Variants in SEMA4G observed in about 807,000 individuals in gnomAD.
SEMA4G encodes semaphorin 4G, also known as semaphorin-4G.
In SEMA4G, 59 loss-of-function variants were observed where a neutral mutation model predicts 81.2. The observed-to-expected ratio is 0.73, with a 90% CI of 0.59 to 0.90. The LOEUF (loss-of-function observed/expected upper bound fraction) is 0.90. Ranked by LOEUF, SEMA4G falls within the 40% of genes least tolerant of loss-of-function variation. The pLI is 0.00. For missense variants in SEMA4G, 952 were observed against 1,102.3 expected, an observed-to-expected ratio of 0.86 and a Z score of 1.93; for synonymous variants, 404 against 433.9, an observed-to-expected ratio of 0.93 and a Z score of 0.86.
In SEMA4G at chr10:100,973,623, C is replaced by A. The variant is rs747555941; in HGVS notation, c.336+14C>A. On this transcript the variant is annotated intron_variant, in intron 3 of 13. Coordinates refer to ENST00000370250, the Ensembl canonical transcript of SEMA4G. The surrounding 1 kb of genome is among the most constrained non-coding windows in gnomAD (Gnocchi z 5.5). ...AAAAACAACCAGGTATGTGGTCTGC[C>A]CTGTCCCCAGCTCCTTTCCTCCCCT... is the stretch of plus-strand genomic sequence containing the variant. 6.2e-7 allele frequency: 1 copy of A among 1,613,230 alleles called. No homozygotes were observed. The highest frequency in any genetic ancestry group is 1.1e-5 in the South Asian group (1 of 91,004).
At chr10:100,977,503 A>G in intron 3 of SEMA4G, 129 bp from the exon 5 acceptor site, 1 of 739,404 alleles carries the variant, frequency 1.4e-6, no homozygotes, top group Non-Finnish European at 2.4e-6. Flanking sequence ...AGTGAGAAGG[A>G]TCACAGGTAT....
At chr10:100,979,416 C>T in intron 8 of SEMA4G, 145 bp downstream of exon 9, 1 of 1,567,220 alleles carries the variant, frequency 6.4e-7, no homozygotes. Flanking sequence ...GGGAGTCTTG[C>T]TCTGTTGCCA....
At chr10:100,974,612 A>G (rs1287402213) in intron 3 of SEMA4G, among the ~76,000 whole-genome samples, 1 of 152,376 alleles carries the variant, frequency 6.6e-6, no homozygotes, top group East Asian at 1.9e-4. Context: ...TATCTCAGTT[A>G]ATTCTAAAAT....
At position 100,983,341 on chromosome 10, in the gene SEMA4G, G is replaced by C. The variant is rs753257306; in HGVS notation, c.1727G>C (p.Arg576Pro). 6.9e-6 allele frequency: 11 copies of C among 1,589,834 alleles called. No individual in the cohort carries two copies. The highest frequency in any genetic ancestry group is 9.4e-6 in the Non-Finnish European group (11 of 1,167,304). ...CCACTGAAGACCCGCTCTGTGCTCCGGGGTGATGATGTCCTCCTGCCCTGT... is the reference window on the plus strand; with the variant it reads ...CCACTGAAGACCCGCTCTGTGCTCCCGGGTGATGATGTCCTCCTGCCCTGT... The change falls in exon 14 of 14, where the codon CGG becomes CCG. Residue 576 changes from arginine to proline, a missense_variant. By Grantham distance (103) the Arg-to-Pro change is moderately radical. Transcript: ENST00000370250.
chr10:100,973,461 C>T lies in SEMA4G; in HGVS notation c.274-86C>T. On this transcript the variant is annotated intron_variant, in intron 2 of 13. Coordinates refer to ENST00000370250, the Ensembl canonical transcript of SEMA4G. This position sits in a 1 kb window ranked among gnomAD's most constrained non-coding sequence, Gnocchi z 5.5. ...GAAATTGATCCCCACCCCAATTTCCCCAACTCTGTGGGGTCCTATTGCCTG... is the reference window on the plus strand; with the variant it reads ...GAAATTGATCCCCACCCCAATTTCCTCAACTCTGTGGGGTCCTATTGCCTG... 6.7e-7 allele frequency: 1 copy of T among 1,485,494 alleles called. No individual in the cohort carries two copies. Among genetic ancestry groups the T allele is most frequent in the Non-Finnish European group, 9.3e-7 (1 of 1,073,572 alleles). The allele number at this position is 1,485,494 out of a possible 1,614,324, so 92.0% of individuals were successfully genotyped here. A position where few individuals can be genotyped will look rare whatever the true frequency, so the allele number is the denominator to read the frequency against.
chr10:100,977,489 G>T, intron 3 of SEMA4G, 143 bp from the exon 5 acceptor site: 1 of 699,062 alleles, frequency 1.4e-6, no homozygotes, highest in East Asian at 2.5e-5. Flanking sequence ...AAATATTCTG[G>T]AGCAGTGAGA....
upstream of SEMA4G, among the ~76,000 whole-genome samples, chr10:100,970,104 T>G (rs886337905): frequency 6.6e-6 from 1 of 152,138 alleles, no homozygotes; most frequent in African/African-American, 2.4e-5. Context: ...GATCCTCCAT[T>G]GATCCTGTTT....
chr10:100,970,052 A>C, upstream of SEMA4G: 1 of 358,542 alleles, frequency 2.8e-6, no homozygotes, highest in Non-Finnish European at 5.9e-6. Context: ...TACCGCCTAC[A>C]CTAGGCAGGT....
chr10:100,979,850 A>G lies in SEMA4G; in HGVS notation c.986A>G (p.Lys329Arg), dbSNP rs184755985. 8 of 1,613,492 alleles carry G rather than the reference A, an allele frequency of 5.0e-6. No homozygotes were observed. In the African/African-American group the frequency reaches 9.3e-5, roughly 19 times the overall value. The stretch of plus-strand genomic sequence containing the variant: ...CCTTGCCCTATGTCCCATTCTAGGA[A>G]GACCCTGGAGGCCTCAGCCATCTGC... The change falls in exon 9 of 14, where the codon AAG becomes AGG. Residue 329 changes from lysine (K) to arginine (R), a missense_variant and splice_region_variant. By Grantham distance (26) the Lys-to-Arg change is conservative. Around this residue, in one of 3 missense-constraint regions of SEMA4G, gnomAD observed 436 missense variants for 488.2 expected, o/e 0.89. Coordinates refer to ENST00000370250, the Ensembl canonical transcript of SEMA4G.
At chr10:100,985,409 C>A (rs992545494), downstream of SEMA4G, 1 of 153,254 alleles carries the variant, frequency 6.5e-6, no homozygotes, top group South Asian at 2.1e-4. Flanking sequence ...TAGCTGAGAA[C>A]GTGGAATCCC....
chr10:100,978,629 A>C, exon 6 of SEMA4G: 4 of 1,613,564 alleles, frequency 2.5e-6, no homozygotes, highest in Non-Finnish European at 3.4e-6. Context: ...ACACCAATGC[A>C]TTGGCTCAAT....
At chr10:100,971,133 T>C (rs1850621209), upstream of SEMA4G, among the ~76,000 whole-genome samples, 1 of 152,202 alleles carries the variant, frequency 6.6e-6, no homozygotes, top group Non-Finnish European at 1.5e-5. Context: ...TGTGTGTGTG[T>C]GTGCACCCAT....
In SEMA4G at chr10:100,977,748, G is replaced by C. The variant is rs546199859; in HGVS notation, c.435+18G>C. The C allele has an allele frequency of 6.3e-7, 1 of 1,587,764 alleles. No homozygotes were observed. The highest frequency in any genetic ancestry group is 2.2e-5 in the East Asian group (1 of 44,754). ...CAGCCATTGTGAGTATACCTGTGTT[G>C]TGCCAGATCTCTGTTGACTTCATTA... On this transcript the variant is annotated intron_variant, in intron 4 of 13. Transcript: ENST00000370250.
At position 100,983,743 on chromosome 10, in the gene SEMA4G, G is replaced by A. The variant is rs780027867; in HGVS notation, c.2129G>A (p.Arg710Gln). Residue 710 changes from arginine (R) to glutamine (Q), a missense_variant, in exon 14 of 14, where the codon CGG becomes CAG. Around this residue, in one of 3 missense-constraint regions of SEMA4G, gnomAD observed 385 missense variants for 413.5 expected, o/e 0.93. Coordinates refer to ENST00000370250, the Ensembl canonical transcript of SEMA4G. Reference sequence around the variant, plus strand: ...CGGGAAGGCAGACGAGGGCGCCGACGGAAATACTCACTGGGTCGGGCCAGC... The same window carrying A: ...CGGGAAGGCAGACGAGGGCGCCGACAGAAATACTCACTGGGTCGGGCCAGC... The A allele has an allele frequency of 1.4e-5, 22 of 1,612,996 alleles. No individual in the cohort carries two copies. Among genetic ancestry groups the A allele is most frequent in the Admixed American group, 1.7e-5 (1 of 59,866 alleles).
chr10:100,972,951 C>T lies in SEMA4G; in HGVS notation c.39C>T (p.Leu13=), dbSNP rs141766082. 486 of 1,613,350 alleles carry T rather than the reference C, an allele frequency of 3.0e-4. 2 individuals carry two copies. Among genetic ancestry groups the T allele is most frequent in the Admixed American group, 3.8e-4 (23 of 59,754 alleles). Residue 13 remains leucine (L), a synonymous_variant, in exon 1 of 14, where the codon CTC becomes CTT. Transcript: ENST00000370250. ...TCTGGCCCCTCCTCCTCAGCATCCT[C>T]ACAGCAACTGCAGTCCCAGGACCCT...
chr10:100,976,764 A>C (rs1850807002), intron 3 of SEMA4G, among the ~76,000 whole-genome samples: 1 of 152,230 alleles, frequency 6.6e-6, no homozygotes, highest in East Asian at 1.9e-4. Context: ...GACAGGGATA[A>C]ATGGGAGACT....
chr10:100,971,933 C>T (rs572455443), upstream of SEMA4G, among the ~76,000 whole-genome samples: 1 of 152,274 alleles, frequency 6.6e-6, no homozygotes, highest in East Asian at 1.9e-4. Context: ...CTGTGAATGC[C>T]TACTTGCAGA....
chr10:100,969,588 A>G (rs374064553), upstream of SEMA4G: 30 of 255,128 alleles, frequency 1.2e-4, no homozygotes, highest in East Asian at 2.4e-3. Flanking sequence ...ATCCGAGCGC[A>G]AAGGTGAGCA....
rs34646595 is a variant in SEMA4G at position 100,982,062 on chromosome 10, C to CAA, written c.1690+847_1690+848dup. Among the ~76,000 whole-genome samples, 755 of 126,652 alleles carry CAA rather than the reference C, an allele frequency of 6.0e-3. 1 individual carries two copies. Among genetic ancestry groups the CAA allele is most frequent in the African/African-American group, 9.0e-3 (296 of 33,002 alleles). 83.1% of individuals were successfully genotyped at this position (126,652 alleles called of 152,430 possible). On this transcript the variant is annotated intron_variant, in intron 13 of 13. Transcript: ENST00000370250. ...AACAGAGTGAGACCTCATCTCATCT[C>CAA]AAAAAAAAAAAAAAAGAAAGAAAAA...
Sources: gnomAD v4.1 joint callset for allele counts (sites outside exome capture counted in the v4.1 genomes callset) on GRCh38, gnomAD v4.1.1 for gene constraint, gnomAD v4.1.1 regional missense constraint, Gnocchi (gnomAD v3.1) non-coding constraint, MANE v1.5 for transcripts, NCBI Gene and HGNC (gene_info 2026-07-23, HGNC 2026-07-21) for gene names.